SVIL: variants seen among roughly 807,000 people sequenced by gnomAD.
SVIL encodes supervillin.
Under a neutral mutation model 240.4 loss-of-function variants are expected in SVIL, and 101 were observed. The observed-to-expected ratio is 0.42, with a 90% CI of 0.36 to 0.50. The LOEUF (loss-of-function observed/expected upper bound fraction) is 0.50. Ranked by LOEUF, SVIL falls within the 20% of genes least tolerant of loss-of-function variation. SVIL has a pLI of 0.01. For missense variants in SVIL, 2,512 were observed against 2,818.7 expected (o/e 0.89, Z 2.46); for synonymous variants, 999 against 1,100.0 (o/e 0.91, Z 1.82).
At chr10:29,729,833 CAAAAAAAAAAAAAAA>C (rs71023507) in intron 1 of SVIL, among the ~76,000 whole-genome samples, 3 of 32,524 alleles carry the variant, frequency 9.2e-5, no homozygotes, top group Admixed American at 5.1e-4. Flanking sequence ...GACTCCATCT[CAAAAAAAAAAAAAAA>C]AAAAAAAAAA....
intron 1 of SVIL, among the ~76,000 whole-genome samples, chr10:29,725,022 C>T (rs1268832088): frequency 1.0e-5 from 1 of 100,478 alleles, no homozygotes; most frequent in Non-Finnish European, 1.8e-5. Flanking sequence ...GAGTGAGACC[C>T]GGTCTCAAAA....
chr10:29,676,711 G>A (rs1233909681), intron 2 of SVIL, among the ~76,000 whole-genome samples: 1 of 152,198 alleles, frequency 6.6e-6, no homozygotes, highest in Admixed American at 6.5e-5. Flanking sequence ...ACATTGGTTT[G>A]GAGAAATTAG....
intron 1 of SVIL, among the ~76,000 whole-genome samples, chr10:29,573,413 T>C (rs1402399592): frequency 6.6e-6 from 1 of 152,176 alleles, no homozygotes; most frequent in Non-Finnish European, 1.5e-5. Context: ...TAAAATTTAA[T>C]CTATTATTTA....
At chr10:29,668,158 T>C (rs1959475978) in intron 2 of SVIL, among the ~76,000 whole-genome samples, 1 of 152,142 alleles carries the variant, frequency 6.6e-6, no homozygotes, top group African/African-American at 2.4e-5. Context: ...CTCTGAGTGT[T>C]TAGATAATAA....
At chr10:29,464,728 C>T (rs1010426472) in intron 34 of SVIL, among the ~76,000 whole-genome samples, 7 of 152,164 alleles carry the variant, frequency 4.6e-5, no homozygotes, top group African/African-American at 1.7e-4. Flanking sequence ...ATGACATGTG[C>T]ACTGGGCAAA....
chr10:29,620,511 T>C (rs1957591793), intron 1 of SVIL, among the ~76,000 whole-genome samples: 1 of 152,228 alleles, frequency 6.6e-6, no homozygotes, highest in Admixed American at 6.5e-5. Context: ...GTTCATTCAG[T>C]GCAACAGCTG....
At chr10:29,539,329 A>G (rs1951974850) in intron 6 of SVIL, among the ~76,000 whole-genome samples, 1 of 152,216 alleles carries the variant, frequency 6.6e-6, no homozygotes, top group Admixed American at 6.5e-5. Flanking sequence ...TGCTTTGAAG[A>G]CATAATACTT....
At chr10:29,573,842 C>T (rs113119491) in intron 1 of SVIL, among the ~76,000 whole-genome samples, 8,792 of 152,074 alleles carry the variant, frequency 0.058, 729 homozygotes, top group African/African-American at 0.18. Flanking sequence ...ATTACAGGCG[C>T]GCGCCACCAT....
chr10:29,495,053 C>T (rs777503564), intron 19 of SVIL, 39 bp downstream of exon 19: 1 of 1,483,648 alleles, frequency 6.7e-7, no homozygotes, highest in East Asian at 2.4e-5. Flanking sequence ...CTCTTCTGAT[C>T]AGAAACTGCT....
rs752065680 is a variant in SVIL, at chr10:29,512,725, G to A, written c.3516+10C>T. On this transcript the variant is annotated intron_variant, in intron 17 of 37. Coordinates refer to ENST00000355867, the MANE Select transcript of SVIL (RefSeq NM_021738.3). ...AGTCGGAAGGCTTTTCCTAACATGG[G>A]GAATGTTACCTTCTTGATGAGGGAC... is the stretch of plus-strand genomic sequence containing the variant. 1.9e-6 allele frequency: 3 copies of A among 1,614,010 alleles called. No individual in the cohort carries two copies. The highest frequency in any genetic ancestry group is 2.5e-6 in the Non-Finnish European group (3 of 1,180,054).
chr10:29,487,511 T>C, intron 23 of SVIL: 1 of 570,018 alleles, frequency 1.8e-6, no homozygotes, highest in East Asian at 3.0e-5. Context: ...CTTTCCCAAA[T>C]GTCACCCACT....
chr10:29,647,166 T>A (rs567991311), intron 3 of SVIL: 1 of 152,146 alleles, frequency 6.6e-6, no homozygotes, highest in African/African-American at 2.4e-5. Flanking sequence ...AACATACAGT[T>A]CTGAAGAAGT....
At chr10:29,655,039 C>G (rs763403018) in intron 3 of SVIL, among the ~76,000 whole-genome samples, 2 of 152,196 alleles carry the variant, frequency 1.3e-5, no homozygotes, top group Non-Finnish European at 2.9e-5. Flanking sequence ...CACAGACACA[C>G]GCAGAAATAA....
Position 29,550,715 on chromosome 10 carries a change from A to C in SVIL, c.709T>G (p.Ser237Ala), listed in dbSNP as rs751843393. The change falls in exon 6 of 38, where the codon TCC becomes GCC. Residue 237 changes from serine (S) to alanine (A), a missense_variant. Physicochemically the swap from Ser to Ala is moderately conservative, Grantham distance 99 (BLOSUM62 1). Around this residue, in one of 3 missense-constraint regions of SVIL, gnomAD observed 1,443 missense variants for 1,486.6 expected, o/e 0.97. Transcript: ENST00000355867. ...GACCGTGGCACTTCAGTGAAGGAGG[A>C]GTCTCGCCCAGAGAAAGAGAAGGTC... is the stretch of plus-strand genomic sequence containing the variant. ...SSTFSFSGRDSSFTEVPRSPK... is the reference protein window; with the variant it reads ...SSTFSFSGRDASFTEVPRSPK... 9 of 1,613,944 alleles carry C rather than the reference A, an allele frequency of 5.6e-6. No homozygotes were observed. Among genetic ancestry groups the C allele is most frequent in the Non-Finnish European group, 7.6e-6 (9 of 1,180,026 alleles).
chr10:29,564,524 T>C (rs1215615383), intron 2 of SVIL, among the ~76,000 whole-genome samples: 1 of 152,140 alleles, frequency 6.6e-6, no homozygotes, highest in Non-Finnish European at 1.5e-5. Context: ...ACTGTGAAGC[T>C]GACCTTCCCC....
At chr10:29,517,323 G>A (rs1338513646) in intron 16 of SVIL, among the ~76,000 whole-genome samples, 1 of 152,152 alleles carries the variant, frequency 6.6e-6, no homozygotes, top group Non-Finnish European at 1.5e-5. Flanking sequence ...CTACTTGGGA[G>A]GCTGAAGTGG....
At chr10:29,544,444 T>C (rs1316672346) in intron 6 of SVIL, among the ~76,000 whole-genome samples, 1 of 152,206 alleles carries the variant, frequency 6.6e-6, no homozygotes, top group East Asian at 1.9e-4. Context: ...GAGATATATT[T>C]ACATTTAGTC....
intron 6 of SVIL, among the ~76,000 whole-genome samples, chr10:29,545,684 G>A (rs1488488496): frequency 8.6e-5 from 13 of 151,776 alleles, no homozygotes; most frequent in South Asian, 6.3e-4. Context: ...GTGAAACTCC[G>A]TCTCTACTAA....
At chr10:29,526,110 G>A (rs1025039647) in intron 13 of SVIL, among the ~76,000 whole-genome samples, 4 of 152,068 alleles carry the variant, frequency 2.6e-5, no homozygotes, top group African/African-American at 7.2e-5. Context: ...AAACATCTAC[G>A]TTTAGACACT....
Sources: gnomAD v4.1 joint callset for allele counts (sites outside exome capture counted in the v4.1 genomes callset) on GRCh38, gnomAD v4.1.1 for gene constraint, gnomAD v4.1.1 regional missense constraint, MANE v1.5 for transcripts, NCBI Gene and HGNC (gene_info 2026-07-23, HGNC 2026-07-21) for gene names.